Variants in DOK6 observed in about 807,000 individuals in gnomAD.
DOK6 encodes docking protein 6.
DOK6 carries 22 observed loss-of-function variants against 44.0 expected under a neutral mutation model. The ratio of observed to expected loss-of-function variants is 0.50; its 90% confidence interval spans 0.36 to 0.71. The LOEUF (loss-of-function observed/expected upper bound fraction) is 0.71. Among genes scored for constraint, DOK6 ranks in the 30% least tolerant of loss-of-function variants. DOK6 has a pLI of 0.00. For synonymous variants in DOK6, 166 were observed against 145.5 expected (o/e 1.14, Z -1.01); for missense variants, 340 against 416.4 (o/e 0.82, Z 1.60).
chr18:69,723,062 A>G (rs976358406), intron 5 of DOK6, among the ~76,000 whole-genome samples: 3 of 152,184 alleles, frequency 2.0e-5, no homozygotes, highest in African/African-American at 4.8e-5. Context: ...CTAATCAACT[A>G]TAAGTATTTT....
intron 1 of DOK6, among the ~76,000 whole-genome samples, chr18:69,404,786 GGTGTGT>G (rs59807127): frequency 0.2 from 30,316 of 149,852 alleles, 3,483 homozygotes; most frequent in Middle Eastern, 0.28. Flanking sequence ...AGGATAGGGT[GGTGTGT>G]GTGTGTGTGT....
intron 1 of DOK6, among the ~76,000 whole-genome samples, chr18:69,489,718 A>T (rs371134264): frequency 5.1e-4 from 77 of 152,256 alleles, no homozygotes; most frequent in African/African-American, 1.8e-3. Flanking sequence ...TGCATATCGA[A>T]AGCCCTGTTC....
chr18:69,808,291 G>T (rs1981114096), intron 7 of DOK6, among the ~76,000 whole-genome samples: 1 of 151,680 alleles, frequency 6.6e-6, no homozygotes. Context: ...AGCAAAAGCA[G>T]TTCAAAGGTT....
chr18:69,735,759 C>T (rs538934973), intron 5 of DOK6, among the ~76,000 whole-genome samples: 1 of 152,292 alleles, frequency 6.6e-6, no homozygotes, highest in African/African-American at 2.4e-5. Flanking sequence ...ATGGGTATAG[C>T]ATGGCCCAAG....
At chr18:69,641,611 T>C (rs113003314) in intron 3 of DOK6, among the ~76,000 whole-genome samples, 1 of 152,230 alleles carries the variant, frequency 6.6e-6, no homozygotes, top group Non-Finnish European at 1.5e-5. Flanking sequence ...ATTTGACTTA[T>C]AAGCTAGATA....
In DOK6 at chr18:69,613,734, T is replaced by C. The variant is rs369353891; in HGVS notation, c.289+14236T>C. On this transcript the variant is annotated intron_variant, in intron 3 of 7. Coordinates refer to ENST00000382713, the MANE Select transcript of DOK6 (RefSeq NM_152721.6). ...TTATCTTCAAATGATTTTGGACAAG[T>C]AAATTTTTAAGTCTGAATTACCTGT... Among the ~76,000 whole-genome samples, 6 of 152,048 alleles carry C rather than the reference T, an allele frequency of 3.9e-5. No individual in the cohort carries two copies. The South Asian group carries it at 8.3e-4, about 21-fold the overall frequency.
At position 69,527,338 on chromosome 18, in the gene DOK6, T is replaced by C. The variant is rs535925016; in HGVS notation, c.67-37149T>C. 1.5e-4 allele frequency among the ~76,000 whole-genome samples: 23 copies of C among 152,320 alleles called. No homozygotes were observed. In the East Asian group the frequency reaches 3.3e-3, roughly 22 times the overall value. On this transcript the variant is annotated intron_variant, in intron 1 of 7. Transcript: ENST00000382713. ...TAATTGACTCACAGTTCTAAATGGC[T>C]AGGGAGGCCTCAGGAAACTTACAAT...
intron 3 of DOK6, among the ~76,000 whole-genome samples, chr18:69,650,716 C>T (rs73463968): frequency 0.084 from 12,818 of 152,204 alleles, 608 homozygotes; most frequent in African/African-American, 0.11. Flanking sequence ...TTGAACAGTA[C>T]TGCGTCATAC....
At chr18:69,735,613 T>A (rs1483380072) in intron 5 of DOK6, among the ~76,000 whole-genome samples, 1 of 151,998 alleles carries the variant, frequency 6.6e-6, no homozygotes, top group Non-Finnish European at 1.5e-5. Flanking sequence ...ATGTCCAAGG[T>A]TTTTATTGGG....
intron 7 of DOK6, among the ~76,000 whole-genome samples, chr18:69,790,996 T>C (rs1057246675): frequency 6.6e-5 from 10 of 151,408 alleles, no homozygotes; most frequent in African/African-American, 2.4e-4. Flanking sequence ...TTATTTTAAT[T>C]TTTAGCTCCC....
intron 7 of DOK6, among the ~76,000 whole-genome samples, chr18:69,774,939 T>C (rs1242510804): frequency 6.6e-6 from 1 of 151,704 alleles, no homozygotes; most frequent in East Asian, 1.9e-4. Flanking sequence ...CAATTCTAAA[T>C]GCAAAAGGAA....
chr18:69,747,492 A>G (rs889021030), intron 6 of DOK6, among the ~76,000 whole-genome samples: 1 of 152,186 alleles, frequency 6.6e-6, no homozygotes, highest in Non-Finnish European at 1.5e-5. Context: ...AAAATTCCCA[A>G]CATTTGTCAG....
chr18:69,434,980 G>A (rs1383397701), intron 1 of DOK6, among the ~76,000 whole-genome samples: 2 of 141,664 alleles, frequency 1.4e-5, no homozygotes, highest in African/African-American at 5.2e-5. Context: ...AGGAAGGAAG[G>A]AAAGAAGGAA....
At chr18:69,717,710 G>T (rs1203497473) in intron 5 of DOK6, among the ~76,000 whole-genome samples, 2 of 152,186 alleles carry the variant, frequency 1.3e-5, no homozygotes, top group African/African-American at 4.8e-5. Flanking sequence ...CTGGAGCATA[G>T]AAGCTGTGCC....
chr18:69,452,480 G>A (rs1332675954), intron 1 of DOK6, among the ~76,000 whole-genome samples: 1 of 128,354 alleles, frequency 7.8e-6, no homozygotes, highest in African/African-American at 3.1e-5. Flanking sequence ...TCTACCAGAG[G>A]TACAAGGAGG....
intron 3 of DOK6, among the ~76,000 whole-genome samples, chr18:69,624,211 T>G (rs1323788712): frequency 6.6e-6 from 1 of 152,206 alleles, no homozygotes; most frequent in East Asian, 1.9e-4. Flanking sequence ...AGATTAGTTT[T>G]AAAACATTTC....
intron 1 of DOK6, among the ~76,000 whole-genome samples, chr18:69,479,198 G>A (rs1980352258): frequency 6.6e-6 from 1 of 152,078 alleles, no homozygotes; most frequent in Non-Finnish European, 1.5e-5. Flanking sequence ...AGAGGGAGGA[G>A]AGGAATGGAG....
intron 3 of DOK6, among the ~76,000 whole-genome samples, chr18:69,629,638 C>G (rs1240635523): frequency 6.6e-6 from 1 of 152,168 alleles, no homozygotes. Flanking sequence ...AATCACAACT[C>G]AAAGGACTGT....
intron 3 of DOK6, among the ~76,000 whole-genome samples, chr18:69,604,782 C>T (rs73970192): frequency 0.028 from 4,217 of 152,056 alleles, 185 homozygotes; most frequent in African/African-American, 0.096. Flanking sequence ...AAATTTCATC[C>T]TCCAAGAAAA....
Sources: allele counts gnomAD v4.1 joint callset (sites outside exome capture counted in the v4.1 genomes callset), GRCh38; gene constraint gnomAD v4.1.1; transcripts MANE v1.5; gene names NCBI Gene and HGNC (gene_info 2026-07-23, HGNC 2026-07-21).